TPTE: variants seen among roughly 807,000 people sequenced by gnomAD.
TPTE encodes transmembrane phosphatase with tensin homology, also known as putative tyrosine-protein phosphatase TPTE.
A neutral mutation model predicts 84.1 loss-of-function variants in TPTE; 59 were observed. The observed-to-expected ratio is 0.70, with a 90% CI of 0.57 to 0.87. TPTE has a LOEUF of 0.87. Among genes scored for constraint, TPTE ranks in the 40% least tolerant of loss-of-function variants. The pLI is 0.00. For synonymous variants in TPTE, 130 were observed against 223.5 expected, an observed-to-expected ratio of 0.58 and a Z score of 3.73; for missense variants, 382 against 659.6, an observed-to-expected ratio of 0.58 and a Z score of 4.61.
chr21:10,522,533 G>A (rs1445721274), intron 1 of TPTE, among the ~76,000 whole-genome samples: 6 of 152,298 alleles, frequency 3.9e-5, no homozygotes, highest in Admixed American at 3.3e-4. Context: ...TCAAAACAAT[G>A]CGTCTGGACG....
chr21:10,548,145 C>G (rs1276965182), intron 7 of TPTE, among the ~76,000 whole-genome samples: 1 of 152,306 alleles, frequency 6.6e-6, no homozygotes, highest in Non-Finnish European at 1.5e-5. Context: ...GTATCTCAGA[C>G]CTGAGAGACA....
chr21:10,564,322 C>CT (rs1455414242), intron 10 of TPTE, among the ~76,000 whole-genome samples: 1 of 152,204 alleles, frequency 6.6e-6, no homozygotes, highest in Non-Finnish European at 1.5e-5. Context: ...CCAGCCTGGC[C>CT]AATATGGTGA....
intron 17 of TPTE, among the ~76,000 whole-genome samples, chr21:10,579,405 G>C (rs1290921566): frequency 1.3e-5 from 2 of 152,384 alleles, no homozygotes; most frequent in East Asian, 3.9e-4. Flanking sequence ...CAGAAGAATC[G>C]CTTGAACCTG....
intron 3 of TPTE, among the ~76,000 whole-genome samples, chr21:10,532,766 T>C (rs2074200940): frequency 6.6e-6 from 1 of 152,424 alleles, no homozygotes. Context: ...ATGTGTAATT[T>C]AGTTTCAAAT....
At chr21:10,555,427 C>T (rs1292819198) in intron 8 of TPTE, among the ~76,000 whole-genome samples, 22 of 152,302 alleles carry the variant, frequency 1.4e-4, no homozygotes, top group Non-Finnish European at 2.8e-4. Flanking sequence ...AGGATGGTCT[C>T]GATCTCTTGA....
chr21:10,594,700 C>G (rs922549095), intron 19 of TPTE, among the ~76,000 whole-genome samples: 2 of 152,424 alleles, frequency 1.3e-5, no homozygotes, highest in South Asian at 4.1e-4. Flanking sequence ...GCATAGTTTC[C>G]CTAACTGTAG....
chr21:10,587,848 C>T (rs2075394537), intron 17 of TPTE, among the ~76,000 whole-genome samples: 1 of 152,302 alleles, frequency 6.6e-6, no homozygotes, highest in Non-Finnish European at 1.5e-5. Flanking sequence ...CCGCGCCCAG[C>T]CTATTTTTTG....
At chr21:10,568,735 T>G (rs1328754053) in intron 11 of TPTE, among the ~76,000 whole-genome samples, 1 of 152,310 alleles carries the variant, frequency 6.6e-6, no homozygotes, top group Non-Finnish European at 1.5e-5. Context: ...AAAAATACCT[T>G]AGGCCCCACC....
chr21:10,591,015 T>C (rs2075464556), intron 18 of TPTE, among the ~76,000 whole-genome samples: 1 of 152,310 alleles, frequency 6.6e-6, no homozygotes, highest in Non-Finnish European at 1.5e-5. Flanking sequence ...TCTTCCTTCC[T>C]CGTGAGAATA....
chr21:10,554,914 C>G (rs1357586754), intron 8 of TPTE, among the ~76,000 whole-genome samples: 2 of 152,308 alleles, frequency 1.3e-5, no homozygotes, highest in African/African-American at 4.8e-5. Flanking sequence ...TTTTAGTGAT[C>G]TAGAGTGAGC....
chr21:10,547,018 A>G (rs1419041419), intron 7 of TPTE, among the ~76,000 whole-genome samples: 1 of 152,308 alleles, frequency 6.6e-6, no homozygotes, highest in Non-Finnish European at 1.5e-5. Flanking sequence ...GCCATCTAGG[A>G]CTTTTATATT....
intron 2 of TPTE, among the ~76,000 whole-genome samples, chr21:10,526,047 G>A (rs1010128735): frequency 3.3e-5 from 5 of 152,298 alleles, no homozygotes; most frequent in African/African-American, 1.2e-4. Context: ...TTGGTGTTTT[G>A]AACATTTTCC....
At chr21:10,575,043 C>T (rs1457326927) in intron 14 of TPTE, among the ~76,000 whole-genome samples, 1 of 152,312 alleles carries the variant, frequency 6.6e-6, no homozygotes, top group Admixed American at 6.5e-5. Context: ...AGTTAAGACC[C>T]ACTGGCTTGG....
intron 7 of TPTE, among the ~76,000 whole-genome samples, chr21:10,551,033 T>A (rs2074562508): frequency 6.6e-6 from 1 of 152,310 alleles, no homozygotes; most frequent in Non-Finnish European, 1.5e-5. Flanking sequence ...AAGAATGAAA[T>A]TTAAGAATTC....
chr21:10,570,359 G>A (rs1199208990), intron 13 of TPTE, 126 bp from the exon 14 acceptor site: 41 of 1,513,844 alleles, frequency 2.7e-5, no homozygotes, highest in Non-Finnish European at 3.5e-5. Context: ...GCTCTTTTCT[G>A]TCAACCTCAA....
intron 14 of TPTE, chr21:10,576,146 A>T (rs1480507967): frequency 6.2e-6 from 1 of 160,362 alleles, no homozygotes; most frequent in Non-Finnish European, 1.4e-5. Context: ...TCATTGCAGC[A>T]GTATTCACAA....
chr21:10,527,781 C>T (rs2074106264), intron 3 of TPTE, among the ~76,000 whole-genome samples: 1 of 152,310 alleles, frequency 6.6e-6, no homozygotes, highest in Non-Finnish European at 1.5e-5. Context: ...GAGCTGGTGC[C>T]CCAAACTCAA....
intron 2 of TPTE, among the ~76,000 whole-genome samples, chr21:10,525,186 A>T (rs1343249235): frequency 5.3e-5 from 8 of 152,306 alleles, no homozygotes; most frequent in Admixed American, 2.6e-4. Flanking sequence ...AGTGAAGGTC[A>T]CAAATGGGTT....
At chr21:10,586,620 A>G (rs2075370791) in intron 17 of TPTE, among the ~76,000 whole-genome samples, 1 of 152,306 alleles carries the variant, frequency 6.6e-6, no homozygotes. Context: ...ATTTGATTGA[A>G]TTTTAATAAT....
Sources: allele counts gnomAD v4.1 joint callset (sites outside exome capture counted in the v4.1 genomes callset), GRCh38; gene constraint gnomAD v4.1.1; transcripts MANE v1.5; gene names NCBI Gene and HGNC (gene_info 2026-07-23, HGNC 2026-07-21).